ELMO1: variants seen among roughly 807,000 people sequenced by gnomAD.
ELMO1 encodes engulfment and cell motility protein 1.
In ELMO1, 26 loss-of-function variants were observed where a neutral mutation model predicts 98.9. The observed-to-expected ratio is 0.26, with a 90% confidence interval of 0.19 to 0.36. ELMO1 has a LOEUF of 0.36. ELMO1 is among the 10% of genes least tolerant of loss of function. ELMO1 has a pLI of 1.00. For synonymous variants in ELMO1, 346 were observed against 346.0 expected, an observed-to-expected ratio of 1.00 and a Z score of 0.00; for missense variants, 627 against 935.2, an observed-to-expected ratio of 0.67 and a Z score of 4.30.
At chr7:37,394,191 C>A (rs1314073504) in intron 1 of ELMO1, among the ~76,000 whole-genome samples, 1 of 152,170 alleles carries the variant, frequency 6.6e-6, no homozygotes, top group Admixed American at 6.5e-5. Context: ...TCACAGAATA[C>A]TCTTACTAGA....
intron 16 of ELMO1, among the ~76,000 whole-genome samples, chr7:36,948,125 A>G (rs1787657956): frequency 6.6e-6 from 1 of 152,184 alleles, no homozygotes; most frequent in South Asian, 2.1e-4. Context: ...CATAACTAGG[A>G]TCAAGAGGTA....
At chr7:36,938,731 T>C (rs1243415497) in intron 16 of ELMO1, among the ~76,000 whole-genome samples, 1 of 152,260 alleles carries the variant, frequency 6.6e-6, no homozygotes, top group African/African-American at 2.4e-5. Context: ...TTTTGGATAC[T>C]GTGTTCTTGG....
chr7:36,921,290 C>T (rs1422496233), intron 16 of ELMO1, among the ~76,000 whole-genome samples: 1 of 152,164 alleles, frequency 6.6e-6, no homozygotes, highest in East Asian at 1.9e-4. Context: ...GCGGGCAGGC[C>T]CACTGGACCA....
intron 17 of ELMO1, among the ~76,000 whole-genome samples, chr7:36,891,131 T>A (rs1805512534): frequency 6.6e-6 from 1 of 152,266 alleles, no homozygotes; most frequent in Admixed American, 6.5e-5. Context: ...TCTTGCTTTG[T>A]GTCTCCACTG....
intron 13 of ELMO1, among the ~76,000 whole-genome samples, chr7:37,158,464 A>T (rs1788956888): frequency 6.6e-6 from 1 of 152,222 alleles, no homozygotes; most frequent in Non-Finnish European, 1.5e-5. Flanking sequence ...TTTATAAGAA[A>T]AAAACAACCC....
chr7:37,220,414 C>T (rs1266709872), intron 10 of ELMO1, among the ~76,000 whole-genome samples: 1 of 152,092 alleles, frequency 6.6e-6, no homozygotes, highest in Non-Finnish European at 1.5e-5. Flanking sequence ...TAGTTGGAAT[C>T]TTTTCTTAAA....
chr7:37,274,899 C>T (rs1485364331), intron 4 of ELMO1, among the ~76,000 whole-genome samples: 3 of 152,164 alleles, frequency 2.0e-5, no homozygotes, highest in African/African-American at 7.2e-5. Context: ...TGCAATGAGA[C>T]ATTCCTAACA....
chr7:37,311,750 A>G (rs574331962), intron 4 of ELMO1, among the ~76,000 whole-genome samples: 160 of 152,250 alleles, frequency 1.1e-3, no homozygotes, highest in Non-Finnish European at 1.7e-3. Flanking sequence ...TTTACAAACA[A>G]AGAACTACGA....
chr7:37,019,298 C>A (rs187233710), intron 15 of ELMO1, among the ~76,000 whole-genome samples: 82 of 152,356 alleles, frequency 5.4e-4, no homozygotes, highest in Non-Finnish European at 9.0e-4. Flanking sequence ...GAAGACTCCT[C>A]CTTTGCAGGG....
chr7:36,947,078 G>C (rs542352816), intron 16 of ELMO1, among the ~76,000 whole-genome samples: 3 of 152,276 alleles, frequency 2.0e-5, no homozygotes, highest in East Asian at 3.9e-4. Context: ...CACCCAAATA[G>C]TGAGCACAGT....
intron 16 of ELMO1, among the ~76,000 whole-genome samples, chr7:36,986,890 T>C (rs1001069060): frequency 4.6e-5 from 7 of 152,074 alleles, no homozygotes; most frequent in Non-Finnish European, 8.8e-5. Flanking sequence ...TAAACAAACA[T>C]AAACAGCCTC....
chr7:37,318,481 G>A (rs1248883293), intron 2 of ELMO1, among the ~76,000 whole-genome samples: 3 of 152,194 alleles, frequency 2.0e-5, no homozygotes, highest in African/African-American at 7.2e-5. Flanking sequence ...AGAGACTGAA[G>A]TCTCAGAGGA....
chr7:37,127,197 G>A (rs975951907), intron 14 of ELMO1, among the ~76,000 whole-genome samples: 3 of 152,126 alleles, frequency 2.0e-5, no homozygotes, highest in Non-Finnish European at 4.4e-5. Flanking sequence ...CCTTCCCTGG[G>A]CCCACTTATT....
At chr7:37,174,224 C>T (rs1260318906) in intron 13 of ELMO1, among the ~76,000 whole-genome samples, 1 of 152,030 alleles carries the variant, frequency 6.6e-6, no homozygotes, top group Non-Finnish European at 1.5e-5. Flanking sequence ...ATAAAGATGC[C>T]CAGCGGTCAT....
At position 37,292,361 on chromosome 7, in the gene ELMO1, G is replaced by A. The variant is rs1358111223; in HGVS notation, c.193-20479C>T. 3.5e-5 allele frequency among the ~76,000 whole-genome samples: 3 copies of A among 85,312 alleles called. 1 individual carries two copies. Among genetic ancestry groups the A allele is most frequent in the South Asian group, 3.9e-4 (1 of 2,578 alleles). 56.0% of individuals were successfully genotyped at this position (85,312 alleles called of 152,430 possible). On this transcript the variant is annotated intron_variant, in intron 4 of 21. Coordinates refer to ENST00000310758, the MANE Select transcript of ELMO1 (RefSeq NM_014800.11). The stretch of plus-strand genomic sequence containing the variant: ...AGTGCCGAGATTGCAGCCTCTGCCC[G>A]GCCGCCACCCCGTCTGGGAAGTGAG...
chr7:37,211,280 G>T, intron 13 of ELMO1, 106 bp downstream of exon 13: 3 of 1,511,102 alleles, frequency 2.0e-6, no homozygotes, highest in Non-Finnish European at 2.7e-6. Flanking sequence ...AAACTATTCC[G>T]TAAAGCGCAA....
chr7:37,020,668 A>G (rs1474305994), intron 15 of ELMO1, among the ~76,000 whole-genome samples: 3 of 151,610 alleles, frequency 2.0e-5, no homozygotes, highest in Non-Finnish European at 2.9e-5. Context: ...TGATGCTAAG[A>G]GAGACTCTGA....
intron 4 of ELMO1, among the ~76,000 whole-genome samples, chr7:37,288,989 C>T (rs1182835308): frequency 1.3e-5 from 2 of 152,268 alleles, no homozygotes; most frequent in Non-Finnish European, 2.9e-5. Flanking sequence ...GCTCTTACCT[C>T]GATCTAAAAT....
intron 13 of ELMO1, among the ~76,000 whole-genome samples, chr7:37,175,761 C>T (rs549619506): frequency 2.0e-5 from 3 of 152,264 alleles, no homozygotes; most frequent in South Asian, 2.1e-4. Flanking sequence ...GCACCAGAAT[C>T]ACTTGAACCC....
Sources: allele counts gnomAD v4.1 joint callset (sites outside exome capture counted in the v4.1 genomes callset), GRCh38; gene constraint gnomAD v4.1.1; transcripts MANE v1.5; gene names NCBI Gene and HGNC (gene_info 2026-07-23, HGNC 2026-07-21).